The following PCNX2 variants were observed in gnomAD, a reference collection of about 807,000 sequenced individuals.
The protein encoded by PCNX2 is pecanex 2, also known as pecanex-like protein 2.
Under a neutral mutation model 223.8 loss-of-function variants are expected in PCNX2, and 168 were observed. The ratio of observed to expected loss-of-function variants is 0.75; its 90% CI spans 0.66 to 0.85. The LOEUF is 0.85. PCNX2 is among the 40% of genes least tolerant of loss of function. PCNX2 has a pLI of 0.00. For synonymous variants in PCNX2, 1,006 were observed against 1,052.6 expected (o/e 0.96, Z 0.86); for missense variants, 2,507 against 2,675.5 (o/e 0.94, Z 1.39).
intron 1 of PCNX2, among the ~76,000 whole-genome samples, chr1:233,265,168 A>G (rs894876838): frequency 1.3e-5 from 2 of 151,782 alleles, no homozygotes; most frequent in African/African-American, 4.8e-5. Flanking sequence ...TCTTGAGCCT[A>G]GGAGTTCAAG....
the PCNX2 span, among the ~76,000 whole-genome samples, chr1:233,316,539 A>G: frequency 6.6e-6 from 1 of 152,134 alleles, no homozygotes; most frequent in Non-Finnish European, 1.5e-5. Context: ...ACCTTCAAAA[A>G]GAACTTCATG....
chr1:233,208,753 A>G, intron 12 of PCNX2, 64 bp from the exon 13 acceptor site: 1 of 1,402,656 alleles, frequency 7.1e-7, no homozygotes, highest in Non-Finnish European at 9.6e-7. Context: ...AAAGCCTCAT[A>G]GTCAATAATT....
chr1:233,185,102 C>T (rs1166147947), intron 15 of PCNX2, among the ~76,000 whole-genome samples: 1 of 151,054 alleles, frequency 6.6e-6, no homozygotes, highest in South Asian at 2.1e-4. Context: ...CACACACACA[C>T]ACACACACAC....
chr1:233,210,472 T>G, intron 12 of PCNX2: 2 of 435,252 alleles, frequency 4.6e-6, no homozygotes, highest in Non-Finnish European at 6.1e-6. Context: ...AGGGATGGGG[T>G]TTCACTATGT....
intron 17 of PCNX2, 115 bp from the exon 18 acceptor site, chr1:233,161,478 A>G (rs533645899): frequency 9.7e-6 from 8 of 826,184 alleles, no homozygotes; most frequent in South Asian, 7.8e-5. Flanking sequence ...TTTCCAGCCC[A>G]TCACTTACCT....
In PCNX2 at chr1:233,199,811, C is replaced by T. The variant is rs544095270; in HGVS notation, c.2974+343G>A. Reference sequence around the variant, plus strand: ...GTGCTCAAATACACACACACACACACACACACACACTTATATCCACTCACA... The same window carrying T: ...GTGCTCAAATACACACACACACACATACACACACACTTATATCCACTCACA... On this transcript the variant is annotated intron_variant, in intron 14 of 33. Transcript: ENST00000258229. Among the ~76,000 whole-genome samples the T allele has an allele frequency of 1.1e-4, 17 of 152,174 alleles. No individual in the cohort carries two copies. The South Asian group carries it at 3.3e-3, about 30-fold the overall frequency.
intron 21 of PCNX2, among the ~76,000 whole-genome samples, chr1:233,119,401 T>TAA (rs1675619215): frequency 1.2e-4 from 1 of 8,144 alleles, no homozygotes; most frequent in Non-Finnish European, 2.4e-4. Context: ...CTACTAAAAA[T>TAA]ACAAAAAAAA....
In PCNX2 at chr1:233,231,571, T is replaced by C. The variant is rs138501403; in HGVS notation, c.2359-4200A>G. The C allele has an allele frequency of 1.9e-3, 1,678 of 903,472 alleles. 24 individuals are homozygous for C. The African/African-American group carries it at 0.028, about 15-fold the overall frequency. 56.0% of individuals were successfully genotyped at this position (903,472 alleles called of 1,614,324 possible). A position where few individuals can be genotyped will look rare whatever the true frequency, so the allele number is the denominator to read the frequency against. ...GCCTGTTTTCTTGGGGGGTGGATAT[T>C]GAAAATAATTAGAGGTTCTCAGCTT... is the stretch of plus-strand genomic sequence containing the variant. On this transcript the variant is annotated intron_variant, in intron 9 of 33. Transcript: ENST00000258229.
rs1669673148 is a variant in PCNX2, at chr1:232,990,869, C to A, written c.5792-4329G>T. Among the ~76,000 whole-genome samples, 1 of 152,194 alleles carries A rather than the reference C, an allele frequency of 6.6e-6. No homozygotes were observed. Among genetic ancestry groups the A allele is most frequent in the African/African-American group, 2.4e-5 (1 of 41,444 alleles). ...GTCGTCTCCCAGGGCGGACCTTGGG[C>A]CTACTTGCAGGCACGTGCACCCCCA... On this transcript the variant is annotated intron_variant, in intron 32 of 33. Transcript: ENST00000258229. This position sits in a 1 kb window ranked among gnomAD's most constrained non-coding sequence, Gnocchi z 4.3.
intron 1 of PCNX2, chr1:233,294,011 C>T (rs1661925568): frequency 5.1e-6 from 5 of 984,752 alleles, no homozygotes; most frequent in Non-Finnish European, 6.0e-6. Context: ...TGCAGGGTTT[C>T]CAAGCAGTTT....
chr1:232,996,215 A>G (rs1669868630), intron 32 of PCNX2, among the ~76,000 whole-genome samples: 2 of 151,678 alleles, frequency 1.3e-5, no homozygotes, highest in Admixed American at 1.3e-4. Context: ...CACTTCTGGA[A>G]CCCCCACCTC....
chr1:233,046,188 G>A (rs1041683431), intron 25 of PCNX2, among the ~76,000 whole-genome samples: 2 of 152,156 alleles, frequency 1.3e-5, no homozygotes, highest in African/African-American at 4.8e-5. Flanking sequence ...TTCCACTGAT[G>A]GCTTCAGTAG....
At chr1:233,155,185 G>A (rs1022689770) in intron 19 of PCNX2, among the ~76,000 whole-genome samples, 3 of 152,080 alleles carry the variant, frequency 2.0e-5, no homozygotes, top group African/African-American at 7.2e-5. Flanking sequence ...CTAACTCCTG[G>A]GCTCGAGTGA....
At position 233,258,026 on chromosome 1, in the gene PCNX2, A is replaced by T; in HGVS notation, c.1834+2T>A. Reference sequence around the variant, plus strand: ...CAGAACGGAAATGACATGGAATCGCACCTCGGAGAAGCCCACTTTCTTCAT... The same window carrying T: ...CAGAACGGAAATGACATGGAATCGCTCCTCGGAGAAGCCCACTTTCTTCAT... On this transcript the variant is annotated splice_donor_variant, in intron 5 of 33. Coordinates refer to ENST00000258229, the MANE Select transcript of PCNX2 (RefSeq NM_014801.4). LOFTEE classifies it high-confidence loss of function. 6.2e-7 allele frequency: 1 copy of T among 1,608,946 alleles called. No individual in the cohort carries two copies. The highest frequency in any genetic ancestry group is 8.5e-7 in the Non-Finnish European group (1 of 1,175,914).
chr1:233,101,680 G>A (rs897239855), intron 21 of PCNX2, among the ~76,000 whole-genome samples: 1 of 152,204 alleles, frequency 6.6e-6, no homozygotes, highest in Non-Finnish European at 1.5e-5. Context: ...CCCAGCCCCT[G>A]TAACAGTCAG....
intron 21 of PCNX2, among the ~76,000 whole-genome samples, chr1:233,129,494 G>A (rs1373830260): frequency 1.3e-5 from 2 of 152,232 alleles, no homozygotes; most frequent in Non-Finnish European, 1.5e-5. Flanking sequence ...CCCAAGGGCT[G>A]AAGAGTGTGG....
At chr1:233,128,344 G>GT (rs574419660) in intron 21 of PCNX2, among the ~76,000 whole-genome samples, 9 of 151,584 alleles carry the variant, frequency 5.9e-5, no homozygotes, top group East Asian at 5.8e-4. Flanking sequence ...TTTTGTTTTG[G>GT]TTTTTTTTGA....
intron 10 of PCNX2, among the ~76,000 whole-genome samples, chr1:233,221,052 C>T (rs1281739909): frequency 1.3e-5 from 2 of 152,172 alleles, no homozygotes; most frequent in African/African-American, 4.8e-5. Flanking sequence ...CTGAGGACAA[C>T]AGCCAGAAGG....
intron 26 of PCNX2, among the ~76,000 whole-genome samples, chr1:233,022,047 C>T (rs1670905519): frequency 6.6e-6 from 1 of 152,168 alleles, no homozygotes; most frequent in South Asian, 2.1e-4. Context: ...TCTCATCCCT[C>T]CTCCCTTCTC....
Sources: gnomAD v4.1 joint callset for allele counts (sites outside exome capture counted in the v4.1 genomes callset) on GRCh38, gnomAD v4.1.1 for gene constraint, Gnocchi (gnomAD v3.1) non-coding constraint, MANE v1.5 for transcripts, NCBI Gene and HGNC (gene_info 2026-07-23, HGNC 2026-07-21) for gene names.